The following KIAA1549 variants were observed in gnomAD, a reference collection of about 807,000 sequenced individuals.
KIAA1549 encodes the protein KIAA1549.
KIAA1549 carries 70 observed loss-of-function variants against 156.4 expected under a neutral mutation model. That is an observed-to-expected ratio of 0.45 (90% CI 0.37 to 0.55). The LOEUF is 0.55. Among genes scored for constraint, KIAA1549 ranks in the 20% least tolerant of loss-of-function variants. The pLI, the probability that KIAA1549 is intolerant of heterozygous loss-of-function variation, is 0.00. For missense variants in KIAA1549, 2,428 were observed against 2,540.9 expected, an observed-to-expected ratio of 0.96 and a Z score of 0.96; for synonymous variants, 1,103 against 1,066.4, an observed-to-expected ratio of 1.03 and a Z score of -0.67.
At chr7:138,969,008 G>A (rs113622959) in intron 1 of KIAA1549, among the ~76,000 whole-genome samples, 3,498 of 152,016 alleles carry the variant, frequency 0.023, 66 homozygotes, top group Admixed American at 0.038. Flanking sequence ...GGAGTCTGTT[G>A]TACATATTAT....
intron 1 of KIAA1549, among the ~76,000 whole-genome samples, chr7:138,976,269 G>A (rs897450307): frequency 6.6e-6 from 1 of 152,138 alleles, no homozygotes; most frequent in African/African-American, 2.4e-5. Context: ...TAGAGACCGG[G>A]TTTCACCATG....
intron 1 of KIAA1549, among the ~76,000 whole-genome samples, chr7:138,963,775 AACTT>A (rs1353085004): frequency 1.3e-5 from 2 of 152,252 alleles, no homozygotes; most frequent in Non-Finnish European, 2.9e-5. Context: ...GGTATACACT[AACTT>A]AATTAACGGA....
chr7:138,898,637 T>C (rs1811756059), intron 9 of KIAA1549, among the ~76,000 whole-genome samples: 1 of 152,204 alleles, frequency 6.6e-6, no homozygotes, highest in East Asian at 1.9e-4. Flanking sequence ...AAACACATTA[T>C]TTTGCCTTAG....
chr7:138,860,694 C>T (rs1176208197), intron 16 of KIAA1549, among the ~76,000 whole-genome samples: 5 of 152,216 alleles, frequency 3.3e-5, no homozygotes, highest in Non-Finnish European at 7.3e-5. Context: ...TGGCTGCCTA[C>T]AACCTCAGAA....
At chr7:138,944,030 G>A (rs888445100) in intron 1 of KIAA1549, among the ~76,000 whole-genome samples, 2 of 150,800 alleles carry the variant, frequency 1.3e-5, no homozygotes, top group Non-Finnish European at 3.0e-5. Context: ...CCCTCCCAAA[G>A]TGCTGGGATT....
chr7:138,861,096 C>CAGA, intron 16 of KIAA1549, 43 bp downstream of exon 16: 1 of 1,597,506 alleles, frequency 6.3e-7, no homozygotes, highest in Non-Finnish European at 8.6e-7. Context: ...AACAAAGCTT[C>CAGA]AACATCTTGC....
chr7:138,914,988 GAA>G (rs1563075128), intron 2 of KIAA1549, among the ~76,000 whole-genome samples: 7 of 152,218 alleles, frequency 4.6e-5, no homozygotes, highest in African/African-American at 1.4e-4. Flanking sequence ...TAAGAAGGAA[GAA>G]AAGTATCATG....
chr7:138,864,430 C>T lies in KIAA1549; in HGVS notation c.4930-2974G>A, dbSNP rs114120270. Among the ~76,000 whole-genome samples the T allele has an allele frequency of 9.0e-3, 1,365 of 152,276 alleles. 19 individuals carry two copies. Among genetic ancestry groups the T allele is most frequent in the African/African-American group, 0.031 (1,278 of 41,548 alleles). On this transcript the variant is annotated intron_variant, in intron 15 of 19. Transcript: ENST00000422774. ...AGGAGCTCCTGGGCCAGGACACTTC[C>T]TCTTCCTGTCCTTCACCTTCTTGTT...
rs367943588 is a variant in KIAA1549 at position 138,918,264 on chromosome 7, G to A, written c.1362C>T (p.Thr454=). The change falls in exon 2 of 20, where the codon ACC becomes ACT. Residue 454 remains threonine (T), a synonymous_variant. Coordinates refer to ENST00000422774, the MANE Select transcript of KIAA1549 (RefSeq NM_001164665.2). This position sits in a 1 kb window ranked among gnomAD's most constrained non-coding sequence, Gnocchi z 4.2. ...GAGAGATGCTGCTTTCTTCCAGCAC[G>A]GTCATGCACAGAGTCTCGGCACCAT... ...SGDGAETLCM[T]VLEESSISLM... 2.4e-5 allele frequency: 38 copies of A among 1,613,870 alleles called. No homozygotes were observed. Among genetic ancestry groups the A allele is most frequent in the Admixed American group, 1.3e-4 (8 of 60,010 alleles).
intron 1 of KIAA1549, among the ~76,000 whole-genome samples, chr7:138,927,632 G>A (rs756999786): frequency 3.9e-5 from 6 of 152,284 alleles, no homozygotes; most frequent in East Asian, 3.9e-4. Context: ...GCAAGACTTC[G>A]TCTTAAAAAA....
chr7:138,929,948 G>A (rs1239619720), intron 1 of KIAA1549, among the ~76,000 whole-genome samples: 1 of 152,158 alleles, frequency 6.6e-6, no homozygotes, highest in Non-Finnish European at 1.5e-5. Context: ...TCCTGCCTCG[G>A]CCTCCCAAAG....
rs200423257 is a variant in KIAA1549 at position 138,907,062 on chromosome 7, C to A, written c.3317G>T (p.Arg1106Leu). The stretch of plus-strand genomic sequence containing the variant: ...AAAGATGATATTCACCGGGCCCCGC[C>A]GAGGAGTCACCCTTGAGGAACTGAT... ...ITISSSRVTP[R>L]RGPVNIIFAV... is the part of the protein sequence containing the mutation. Residue 1106 changes from arginine to leucine, a missense_variant, in exon 6 of 20, where the codon CGG becomes CTG. This residue lies in a region of KIAA1549 where 762 missense variants were observed against 901.6 expected (regional missense o/e 0.85). Transcript: ENST00000422774. 1.2e-5 allele frequency: 19 copies of A among 1,611,070 alleles called. No individual in the cohort carries two copies. The East Asian group carries it at 4.0e-4, about 34-fold the overall frequency.
chr7:138,903,787 A>C, intron 7 of KIAA1549, 51 bp from the exon 8 acceptor site: 1 of 1,489,962 alleles, frequency 6.7e-7, no homozygotes. Flanking sequence ...CAGCAGTAAA[A>C]AAACAGTGTG....
intron 10 of KIAA1549, among the ~76,000 whole-genome samples, chr7:138,893,877 C>T (rs1334692624): frequency 1.3e-5 from 2 of 152,234 alleles, no homozygotes; most frequent in African/African-American, 4.8e-5. Context: ...TCGAGACCAG[C>T]CTCGCCAACA....
At chr7:138,934,434 A>G (rs1481440297) in intron 1 of KIAA1549, among the ~76,000 whole-genome samples, 2 of 152,018 alleles carry the variant, frequency 1.3e-5, no homozygotes. Flanking sequence ...CAAGTCCAGA[A>G]CATCCACTGA....
chr7:138,895,549 T>C (rs1017242990), intron 9 of KIAA1549, among the ~76,000 whole-genome samples: 1 of 152,072 alleles, frequency 6.6e-6, no homozygotes, highest in Non-Finnish European at 1.5e-5. Context: ...TGTATGATTC[T>C]ACCTACATGA....
At chr7:138,853,134 G>A (rs1267737719) in intron 16 of KIAA1549, among the ~76,000 whole-genome samples, 5 of 152,228 alleles carry the variant, frequency 3.3e-5, no homozygotes, top group East Asian at 1.9e-4. Context: ...CAGAAGAACA[G>A]TAACTATGGG....
chr7:138,894,486 G>A lies in KIAA1549; in HGVS notation c.3888C>T (p.Ser1296=). The A allele has an allele frequency of 6.2e-7, 1 of 1,614,022 alleles. No homozygotes were observed. The highest frequency in any genetic ancestry group is 8.5e-7 in the Non-Finnish European group (1 of 1,179,890). Residue 1296 remains serine, a synonymous_variant, in exon 10 of 20, where the codon AGC becomes AGT. Transcript: ENST00000422774. ...RVKRPSPESQ[S]NNLWVIVGVV... ...CGCCAACAATGACCCACAAGTTGTTGCTCTGGGATTCCGGAGACGGCCTCT... is the reference window on the plus strand; with the variant it reads ...CGCCAACAATGACCCACAAGTTGTTACTCTGGGATTCCGGAGACGGCCTCT...
chr7:138,949,720 T>C (rs1204219562), intron 1 of KIAA1549, among the ~76,000 whole-genome samples: 1 of 152,162 alleles, frequency 6.6e-6, no homozygotes, highest in African/African-American at 2.4e-5. Flanking sequence ...CAAACAGTAG[T>C]GTGGCTTCAC....
Sources: gnomAD v4.1 joint callset for allele counts (sites outside exome capture counted in the v4.1 genomes callset) on GRCh38, gnomAD v4.1.1 for gene constraint, gnomAD v4.1.1 regional missense constraint, Gnocchi (gnomAD v3.1) non-coding constraint, MANE v1.5 for transcripts, NCBI Gene and HGNC (gene_info 2026-07-23, HGNC 2026-07-21) for gene names.